The following FRYL variants were observed in gnomAD, a reference collection of about 807,000 sequenced individuals.
FRYL encodes the protein FRY like transcription coactivator, also known as protein furry homolog-like.
In FRYL, 150 loss-of-function variants were observed where a neutral mutation model predicts 351.2. The ratio of observed to expected loss-of-function variants is 0.43; its 90% CI spans 0.37 to 0.49. FRYL has a LOEUF of 0.49. Among genes scored for constraint, FRYL ranks in the 20% least tolerant of loss-of-function variants. FRYL has a pLI of 0.00. For synonymous variants in FRYL, 1,153 were observed against 1,257.1 expected (o/e 0.92, Z 1.75); for missense variants, 3,036 against 3,619.3 (o/e 0.84, Z 4.13).
intron 4 of FRYL, among the ~76,000 whole-genome samples, chr4:48,626,297 T>G (rs1751806788): frequency 6.6e-6 from 1 of 151,406 alleles, no homozygotes; most frequent in Non-Finnish European, 1.5e-5. Flanking sequence ...CGTATGCATA[T>G]GTTTATATTT....
intron 23 of FRYL, among the ~76,000 whole-genome samples, chr4:48,577,559 T>A (rs1739898583): frequency 6.6e-6 from 1 of 152,006 alleles, no homozygotes; most frequent in Non-Finnish European, 1.5e-5. Context: ...TAAAACAATG[T>A]CAGATGGTGC....
Position 48,587,700 on chromosome 4 carries a change from C to T in FRYL, c.1641-972G>A, listed in dbSNP as rs528610207. On this transcript the variant is annotated intron_variant, in intron 18 of 63. Coordinates refer to ENST00000358350, the MANE Select transcript of FRYL (RefSeq NM_015030.2). ...CTGGGATTACAGGCGCCTGCCACCA[C>T]GCCCAGCTAATTTTTTGTATTTTTA... Among the ~76,000 whole-genome samples the T allele has an allele frequency of 1.1e-3, 165 of 152,098 alleles. 1 individual carries two copies. The highest frequency in any genetic ancestry group is 3.7e-3 in the African/African-American group (154 of 41,512).
At chr4:48,726,584 A>G (rs550586999) in intron 1 of FRYL, among the ~76,000 whole-genome samples, 1 of 152,178 alleles carries the variant, frequency 6.6e-6, no homozygotes, top group Non-Finnish European at 1.5e-5. Context: ...AGTGAGGCTG[A>G]GGCATGAGAA....
At chr4:48,529,664 A>C (rs1727098479) in intron 50 of FRYL, among the ~76,000 whole-genome samples, 4 of 152,214 alleles carry the variant, frequency 2.6e-5, no homozygotes, top group Admixed American at 2.6e-4. Context: ...TCTAATCAAC[A>C]AAAAAGTAAG....
chr4:48,669,991 C>G (rs1313084545), intron 3 of FRYL, among the ~76,000 whole-genome samples: 1 of 151,856 alleles, frequency 6.6e-6, no homozygotes, highest in Non-Finnish European at 1.5e-5. Context: ...GGTGTATATA[C>G]ACATGGGGTG....
At chr4:48,655,359 T>C (rs1758614779) in intron 3 of FRYL, among the ~76,000 whole-genome samples, 1 of 152,048 alleles carries the variant, frequency 6.6e-6, no homozygotes, top group African/African-American at 2.4e-5. Context: ...TCGTAATTAG[T>C]TTAGACACCA....
At chr4:48,720,258 G>A (rs372162134) in intron 1 of FRYL, among the ~76,000 whole-genome samples, 15 of 152,064 alleles carry the variant, frequency 9.9e-5, no homozygotes, top group African/African-American at 2.2e-4. Flanking sequence ...AGCACTTTGC[G>A]AGGCCGAGGT....
At chr4:48,603,837 A>C (rs1042371030) in intron 11 of FRYL, among the ~76,000 whole-genome samples, 2 of 152,178 alleles carry the variant, frequency 1.3e-5, no homozygotes, top group African/African-American at 2.4e-5. Context: ...GAACGCATCA[A>C]AGAATTTCTT....
At position 48,498,240 on chromosome 4, in the gene FRYL, T is replaced by TAAAGC. The variant is rs1256675523; in HGVS notation, c.*1177_*1181dup. The TAAAGC allele has an allele frequency of 2.0e-5, 3 of 152,174 alleles. No individual in the cohort carries two copies. Among genetic ancestry groups the TAAAGC allele is most frequent in the African/African-American group, 7.2e-5 (3 of 41,452 alleles). 9.4% of individuals were successfully genotyped at this position (152,174 alleles called of 1,614,324 possible). ...CCCCTAGCCCCAGGTTTCTTTAGGG[T>TAAAGC]AAAGCATGTGAGTCCTGAATAAAGA... On this transcript the variant is annotated 3_prime_UTR_variant, in exon 64 of 64. Transcript: ENST00000358350.
chr4:48,556,835 C>T (rs759424596), intron 35 of FRYL, 143 bp downstream of exon 35: 2 of 593,822 alleles, frequency 3.4e-6, no homozygotes, highest in Non-Finnish European at 2.8e-6. Context: ...GTGAATAAAT[C>T]CATGTGCTAT....
intron 1 of FRYL, among the ~76,000 whole-genome samples, chr4:48,756,818 C>T (rs1773839059): frequency 6.6e-6 from 1 of 152,114 alleles, no homozygotes. Context: ...TGTGGTGGCA[C>T]ACGCCTGTAG....
chr4:48,605,787 T>A lies in FRYL; in HGVS notation c.788A>T (p.His263Leu), dbSNP rs1328736792. 4 of 1,609,180 alleles carry A rather than the reference T, an allele frequency of 2.5e-6. No individual in the cohort carries two copies. Among genetic ancestry groups the A allele is most frequent in the Non-Finnish European group, 8.5e-7 (1 of 1,176,184 alleles). ...CTCCACAAATAAACCAGCAAGTGCA[T>A]GTTTTATATCTTTATCTTTCACTTC... ...FLEVKDKDIK[H>L]ALAGLFVEIL... The change falls in exon 11 of 64, where the codon CAT becomes CTT. Residue 263 changes from histidine to leucine, a missense_variant. Transcript: ENST00000358350.
chr4:48,727,641 T>TC (rs1338493965), intron 1 of FRYL: 1 of 151,718 alleles, frequency 6.6e-6, no homozygotes, highest in Non-Finnish European at 1.5e-5. Flanking sequence ...ATCAGAAAAA[T>TC]CCCCCCTACT....
At chr4:48,722,130 A>C (rs1769545109) in intron 1 of FRYL, among the ~76,000 whole-genome samples, 1 of 152,084 alleles carries the variant, frequency 6.6e-6, no homozygotes, top group South Asian at 2.1e-4. Context: ...TGTTGTTTTT[A>C]ATCAAACTTT....
chr4:48,571,560 G>T, intron 26 of FRYL: 2 of 687,506 alleles, frequency 2.9e-6, no homozygotes, highest in Non-Finnish European at 3.6e-6. Context: ...CATTTGTGAT[G>T]TAATTTTCAT....
Position 48,556,977 on chromosome 4 carries a change from C to T in FRYL, c.4266+1G>A, listed in dbSNP as rs781690822. 6 of 1,571,186 alleles carry T rather than the reference C, an allele frequency of 3.8e-6. No homozygotes were observed. Among genetic ancestry groups the T allele is most frequent in the African/African-American group, 2.7e-5 (2 of 73,188 alleles). On this transcript the variant is annotated splice_donor_variant, in intron 35 of 63. Coordinates refer to ENST00000358350, the MANE Select transcript of FRYL (RefSeq NM_015030.2). LOFTEE classifies it high-confidence loss of function. ...AAAATTAAATGAACTTGAATACATA[C>T]GTAAGGCAAGAGGCTTGGTTCGCTA...
intron 59 of FRYL, chr4:48,506,617 TATATATATA>T (rs1721036713): frequency 4.6e-4 from 1 of 2,152 alleles, no homozygotes; most frequent in Non-Finnish European, 9.6e-4. Context: ...ATACAACTAA[TATATATATA>T]TATATATATA....
chr4:48,604,921 A>G (rs1369263241), intron 11 of FRYL, among the ~76,000 whole-genome samples: 1 of 152,210 alleles, frequency 6.6e-6, no homozygotes, highest in Non-Finnish European at 1.5e-5. Flanking sequence ...TCTGGGAGAA[A>G]AAAAAAGGAT....
In FRYL at chr4:48,736,572, G is replaced by A. The variant is rs531980820; in HGVS notation, c.-383-25874C>T. Among the ~76,000 whole-genome samples, 13 of 152,068 alleles carry A rather than the reference G, an allele frequency of 8.5e-5. 1 individual carries two copies. The highest frequency in any genetic ancestry group is 2.1e-4 in the South Asian group (1 of 4,822). The stretch of plus-strand genomic sequence containing the variant: ...AATAAAGAAATACTATAAACAGGCC[G>A]GGTACAGTGGCTCACATCTGTAATC... On this transcript the variant is annotated intron_variant, in intron 1 of 63. Transcript: ENST00000358350.
Sources: gnomAD v4.1 joint callset for allele counts (sites outside exome capture counted in the v4.1 genomes callset) on GRCh38, gnomAD v4.1.1 for gene constraint, MANE v1.5 for transcripts, NCBI Gene and HGNC (gene_info 2026-07-23, HGNC 2026-07-21) for gene names.